The following PCP4 variants were observed in gnomAD, a reference collection of about 807,000 sequenced individuals.
PCP4 encodes the protein calmodulin regulator protein PCP4.
PCP4 carries 8 observed loss-of-function variants against 10.0 expected under a neutral mutation model. That is an observed-to-expected ratio of 0.80 (90% CI 0.47 to 1.45). The LOEUF (loss-of-function observed/expected upper bound fraction) is 1.45, where lower values mean the gene tolerates loss of function less well. PCP4 is among the 40% of genes most tolerant of loss of function. The pLI, the probability that PCP4 is intolerant of heterozygous loss-of-function variation, is 0.00. For missense variants in PCP4, 54 were observed against 74.4 expected, an observed-to-expected ratio of 0.73 and a Z score of 1.01; for synonymous variants, 21 against 23.0, an observed-to-expected ratio of 0.91 and a Z score of 0.24.
intron 1 of PCP4, among the ~76,000 whole-genome samples, chr21:39,874,575 T>C (rs2087335596): frequency 6.6e-6 from 1 of 151,604 alleles, no homozygotes; most frequent in African/African-American, 2.4e-5. Flanking sequence ...ACATGTGTCT[T>C]AATCAAATAA....
chr21:39,878,618 A>G (rs1011988152), intron 1 of PCP4, among the ~76,000 whole-genome samples: 2 of 152,230 alleles, frequency 1.3e-5, no homozygotes, highest in African/African-American at 4.8e-5. Flanking sequence ...CATTTTTGAA[A>G]GTGCACACAT....
At chr21:39,913,885 G>T (rs1847058159) in intron 2 of PCP4, among the ~76,000 whole-genome samples, 1 of 152,164 alleles carries the variant, frequency 6.6e-6, no homozygotes, top group African/African-American at 2.4e-5. Context: ...ACACCTGTCT[G>T]CAGGGATTAG....
intron 2 of PCP4, among the ~76,000 whole-genome samples, chr21:39,922,251 A>G (rs558611803): frequency 6.6e-6 from 1 of 152,358 alleles, no homozygotes; most frequent in East Asian, 1.9e-4. Context: ...TGCCCATCAA[A>G]TGATCTGTAA....
In PCP4 at chr21:39,915,364, A is replaced by G. The variant is rs370525309; in HGVS notation, c.62-13620A>G. On this transcript the variant is annotated intron_variant, in intron 2 of 2. Transcript: ENST00000328619. ...TCAGGGAAGGAAATGAGCCCATCCA[A>G]TACACAGTAAAATACATGTGAATTT... 1.3e-3 allele frequency among the ~76,000 whole-genome samples: 205 copies of G among 152,346 alleles called. 5 individuals are homozygous for G. The South Asian group carries it at 0.039, about 29-fold the overall frequency.
chr21:39,923,075 A>C (rs2087604227), intron 2 of PCP4, among the ~76,000 whole-genome samples: 1 of 152,252 alleles, frequency 6.6e-6, no homozygotes, highest in Non-Finnish European at 1.5e-5. Context: ...ATGTCTATGC[A>C]GAGTGGGAAA....
In PCP4 at chr21:39,867,524, CG is replaced by C. The variant is rs2087300269; in HGVS notation, c.9+15del. On this transcript the variant is annotated intron_variant, in intron 1 of 2. Transcript: ENST00000328619. ...AACATGAGTGAGGTGAGTGATGCTT[CG>C]ACCTGGAGAGGGAAACTTAGGAGTG... 1 of 1,613,572 alleles carries C rather than the reference CG, an allele frequency of 6.2e-7. No homozygotes were observed. Among genetic ancestry groups the C allele is most frequent in the Non-Finnish European group, 8.5e-7 (1 of 1,179,576 alleles).
At chr21:39,878,815 G>T (rs1294074170) in intron 1 of PCP4, among the ~76,000 whole-genome samples, 1 of 152,086 alleles carries the variant, frequency 6.6e-6, no homozygotes, top group African/African-American at 2.4e-5. Flanking sequence ...TTTGAAGTTT[G>T]CTCAGGGGAT....
chr21:39,897,294 A>G (rs2087461508), intron 1 of PCP4, among the ~76,000 whole-genome samples: 1 of 150,832 alleles, frequency 6.6e-6, no homozygotes, highest in African/African-American at 2.4e-5. Flanking sequence ...AGGCTGAGGT[A>G]GGAGAATAGC....
chr21:39,903,849 A>C (rs1368789091), intron 2 of PCP4, among the ~76,000 whole-genome samples: 1 of 146,054 alleles, frequency 6.8e-6, no homozygotes, highest in Non-Finnish European at 1.5e-5. Flanking sequence ...GCCTGGGCTA[A>C]AGAGTGGGAC....
At chr21:39,886,852 G>T (rs2087402832) in intron 1 of PCP4, among the ~76,000 whole-genome samples, 2 of 152,192 alleles carry the variant, frequency 1.3e-5, no homozygotes, top group Admixed American at 1.3e-4. Context: ...ATAAGAAGAT[G>T]AAAAGAAAAT....
chr21:39,868,192 T>G (rs986687774), intron 1 of PCP4, among the ~76,000 whole-genome samples: 1 of 152,208 alleles, frequency 6.6e-6, no homozygotes, highest in Admixed American at 6.5e-5. Flanking sequence ...TCTAAAATCA[T>G]CTTCTCCTTT....
intron 2 of PCP4, among the ~76,000 whole-genome samples, chr21:39,914,772 A>T (rs1483850784): frequency 6.6e-6 from 1 of 152,082 alleles, no homozygotes; most frequent in Non-Finnish European, 1.5e-5. Flanking sequence ...AAACTGGGGA[A>T]CTGTATGAAA....
chr21:39,907,237 G>A (rs1325363135), intron 2 of PCP4, among the ~76,000 whole-genome samples: 1 of 152,120 alleles, frequency 6.6e-6, no homozygotes, highest in Admixed American at 6.5e-5. Context: ...CATGAGGCAG[G>A]GAAGAGTCAG....
intron 1 of PCP4, among the ~76,000 whole-genome samples, chr21:39,878,513 A>G (rs1246085641): frequency 6.6e-6 from 1 of 152,212 alleles, no homozygotes; most frequent in African/African-American, 2.4e-5. Flanking sequence ...ATCCACATCA[A>G]TGAATATTTG....
At chr21:39,878,291 G>C (rs552399499) in intron 1 of PCP4, among the ~76,000 whole-genome samples, 1 of 152,310 alleles carries the variant, frequency 6.6e-6, no homozygotes, top group African/African-American at 2.4e-5. Context: ...AGCAGCCGGG[G>C]CTTACAGAAG....
intron 1 of PCP4, among the ~76,000 whole-genome samples, chr21:39,887,360 T>G (rs995136604): frequency 1.4e-4 from 21 of 151,850 alleles, no homozygotes; most frequent in African/African-American, 5.1e-4. Context: ...TTTTTGGTTT[T>G]TTTTTTTTTA....
In PCP4 at chr21:39,876,380, T is replaced by C. The variant is rs554674350; in HGVS notation, c.9+8870T>C. On this transcript the variant is annotated intron_variant, in intron 1 of 2. Transcript: ENST00000328619. The stretch of plus-strand genomic sequence containing the variant: ...GAATCATACAGTATTTGTCTTTTTG[T>C]GACTGGCTTATTTTACTTAGCATAA... Among the ~76,000 whole-genome samples the C allele has an allele frequency of 1.6e-4, 25 of 152,202 alleles. 1 individual carries two copies. The highest frequency in any genetic ancestry group is 3.4e-4 in the Non-Finnish European group (23 of 68,040).
At chr21:39,878,993 C>CT (rs202020238) in intron 1 of PCP4, among the ~76,000 whole-genome samples, 13,002 of 143,248 alleles carry the variant, frequency 0.091, 835 homozygotes, top group African/African-American at 0.18. Context: ...TTTCCTTTTT[C>CT]TTTTTTTTTT....
chr21:39,925,889 G>A (rs1235488658), intron 2 of PCP4, among the ~76,000 whole-genome samples: 1 of 152,142 alleles, frequency 6.6e-6, no homozygotes, highest in Non-Finnish European at 1.5e-5. Context: ...GGGAGTGGGT[G>A]CCTGGCTGTG....
Sources: allele counts gnomAD v4.1 joint callset (sites outside exome capture counted in the v4.1 genomes callset), GRCh38; gene constraint gnomAD v4.1.1; transcripts MANE v1.5; gene names NCBI Gene and HGNC (gene_info 2026-07-23, HGNC 2026-07-21).